ETV6: variants seen among roughly 807,000 people sequenced by gnomAD.
ETV6 encodes the protein ETS variant transcription factor 6.
ETV6 carries 16 observed loss-of-function variants against 51.1 expected under a neutral mutation model. That is an observed-to-expected ratio of 0.31 (90% CI 0.21 to 0.48). The LOEUF is 0.48. ETV6 is among the 20% of genes least tolerant of loss of function. The pLI, the probability that ETV6 is intolerant of heterozygous loss-of-function variation, is 0.99. For synonymous variants in ETV6, 240 were observed against 224.1 expected (o/e 1.07, Z -0.64); for missense variants, 458 against 594.8 (o/e 0.77, Z 2.39).
At chr12:11,879,928 G>A (rs1430281770) in intron 5 of ETV6, among the ~76,000 whole-genome samples, 2 of 150,932 alleles carry the variant, frequency 1.3e-5, no homozygotes, top group Non-Finnish European at 2.9e-5. Flanking sequence ...GGTGAGCCGT[G>A]GCAACAACCT....
At chr12:11,732,528 TC>T (rs1384120140) in intron 1 of ETV6, among the ~76,000 whole-genome samples, 1 of 152,222 alleles carries the variant, frequency 6.6e-6, no homozygotes, top group African/African-American at 2.4e-5. Context: ...ACGTTGTCCT[TC>T]AAGTACAAAC....
At chr12:11,777,601 C>T (rs535967955) in intron 2 of ETV6, among the ~76,000 whole-genome samples, 69 of 152,158 alleles carry the variant, frequency 4.5e-4, no homozygotes, top group South Asian at 2.3e-3. Flanking sequence ...TCCCCACCTG[C>T]GCTTAAAACC....
chr12:11,856,173 T>C (rs1946630720), intron 4 of ETV6, among the ~76,000 whole-genome samples: 1 of 152,142 alleles, frequency 6.6e-6, no homozygotes, highest in South Asian at 2.1e-4. Flanking sequence ...AGCTCAGCAA[T>C]AGAGAAAGCT....
intron 1 of ETV6, among the ~76,000 whole-genome samples, chr12:11,662,151 C>G (rs1334042082): frequency 6.6e-6 from 1 of 152,146 alleles, no homozygotes; most frequent in African/African-American, 2.4e-5. Flanking sequence ...AGAAAATGAA[C>G]AAGGAGCCAC....
At chr12:11,717,531 T>C (rs1397293716) in intron 1 of ETV6, among the ~76,000 whole-genome samples, 2 of 152,234 alleles carry the variant, frequency 1.3e-5, no homozygotes, top group South Asian at 2.1e-4. Flanking sequence ...GGGGCATGTA[T>C]ACATGTGTGT....
chr12:11,749,343 A>G (rs1467855001), intron 1 of ETV6, among the ~76,000 whole-genome samples: 1 of 128,814 alleles, frequency 7.8e-6, no homozygotes, highest in Admixed American at 7.4e-5. Context: ...ACACACACAC[A>G]CACACACCCC....
intron 7 of ETV6, among the ~76,000 whole-genome samples, chr12:11,887,975 G>C (rs1488402631): frequency 6.6e-6 from 1 of 150,546 alleles, no homozygotes; most frequent in Admixed American, 6.6e-5. Flanking sequence ...TCCCAGAAGG[G>C]ACTGTTGCCA....
At chr12:11,655,865 C>T (rs974006915) in intron 1 of ETV6, among the ~76,000 whole-genome samples, 7 of 152,190 alleles carry the variant, frequency 4.6e-5, no homozygotes, top group African/African-American at 1.2e-4. Context: ...CTATGGATTT[C>T]GCTTACAGGA....
intron 1 of ETV6, among the ~76,000 whole-genome samples, chr12:11,652,655 G>T (rs1246831191): frequency 2.6e-5 from 4 of 152,208 alleles, no homozygotes; most frequent in Non-Finnish European, 5.9e-5. Context: ...CAAGTAGCGG[G>T]TCAGCAGGCA....
chr12:11,728,122 C>G (rs1007954222), intron 1 of ETV6, among the ~76,000 whole-genome samples: 5 of 152,186 alleles, frequency 3.3e-5, no homozygotes, highest in African/African-American at 9.7e-5. Flanking sequence ...TCCCCGGCCT[C>G]CCCTTCTTAT....
chr12:11,672,502 G>T (rs991851224), intron 1 of ETV6, among the ~76,000 whole-genome samples: 1 of 152,164 alleles, frequency 6.6e-6, no homozygotes, highest in East Asian at 1.9e-4. Context: ...ACACAACGAC[G>T]TAGCAATTAA....
Position 11,873,876 on chromosome 12 carries a change from C to G in ETV6, c.1009+3907C>G, listed in dbSNP as rs1360035962. Among the ~76,000 whole-genome samples the G allele has an allele frequency of 5.4e-5, 6 of 111,678 alleles. 2 individuals carry two copies. The highest frequency in any genetic ancestry group is 1.1e-4 in the Non-Finnish European group (6 of 55,082). The allele number at this position is 111,678 out of a possible 152,430, so 73.3% of individuals were successfully genotyped here. A position where few individuals can be genotyped will look rare whatever the true frequency, so the allele number is the denominator to read the frequency against. On this transcript the variant is annotated intron_variant, in intron 5 of 7. Transcript: ENST00000396373. ...CCACAGGAGGTCAGAGTAGGGATGT[C>G]AGGGCAAGCTACATGGAGGGCTGGC...
chr12:11,720,542 C>A (rs1405472885), intron 1 of ETV6, among the ~76,000 whole-genome samples: 2 of 152,180 alleles, frequency 1.3e-5, no homozygotes, highest in African/African-American at 4.8e-5. Flanking sequence ...AAGAATGAAA[C>A]TGAACCCTTA....
intron 2 of ETV6, among the ~76,000 whole-genome samples, chr12:11,771,827 C>T (rs1945245092): frequency 6.6e-6 from 1 of 152,192 alleles, no homozygotes; most frequent in Non-Finnish European, 1.5e-5. Flanking sequence ...TTTAATCAGA[C>T]TTGCATAGCA....
chr12:11,775,952 T>C (rs540651407), intron 2 of ETV6, among the ~76,000 whole-genome samples: 1 of 152,360 alleles, frequency 6.6e-6, no homozygotes, highest in East Asian at 1.9e-4. Context: ...CTCACCAGCA[T>C]TTCTAAAGTT....
chr12:11,710,840 G>A (rs1279158258), intron 1 of ETV6, among the ~76,000 whole-genome samples: 2 of 152,184 alleles, frequency 1.3e-5, no homozygotes, highest in African/African-American at 4.8e-5. Flanking sequence ...GTACCTCTAG[G>A]ACATGATGGT....
At chr12:11,751,297 C>A in intron 1 of ETV6, 1 of 517,098 alleles carries the variant, frequency 1.9e-6, no homozygotes, top group Non-Finnish European at 3.9e-6. Flanking sequence ...AAAACGTAAA[C>A]ACTGCCTTCC....
intron 2 of ETV6, among the ~76,000 whole-genome samples, chr12:11,756,788 G>A (rs911795840): frequency 9.2e-5 from 14 of 152,222 alleles, no homozygotes; most frequent in African/African-American, 3.4e-4. Flanking sequence ...CATTGGCAGA[G>A]GCTTACCTTA....
At chr12:11,696,939 G>A (rs1025072963) in intron 1 of ETV6, among the ~76,000 whole-genome samples, 3 of 152,120 alleles carry the variant, frequency 2.0e-5, no homozygotes, top group African/African-American at 4.8e-5. Flanking sequence ...TTTATTTCTA[G>A]TAGCAATTTG....
Sources: allele counts gnomAD v4.1 joint callset (sites outside exome capture counted in the v4.1 genomes callset), GRCh38; gene constraint gnomAD v4.1.1; transcripts MANE v1.5; gene names NCBI Gene and HGNC (gene_info 2026-07-23, HGNC 2026-07-21).